The following C1orf232 variants were observed in gnomAD, a reference collection of about 807,000 sequenced individuals.
C1orf232 encodes the protein chromosome 1 open reading frame 230, also known as uncharacterized protein C1orf232.
C1orf232 carries 10 observed loss-of-function variants against 12.1 expected under a neutral mutation model. The ratio of observed to expected loss-of-function variants is 0.82; its 90% CI spans 0.51 to 1.40. The LOEUF (loss-of-function observed/expected upper bound fraction) is 1.40. Ranked by LOEUF, C1orf232 falls within the 40% of genes most tolerant of loss-of-function variation. The pLI, the probability that C1orf232 is intolerant of heterozygous loss-of-function variation, is 0.00. For synonymous variants in C1orf232, 36 were observed against 39.8 expected (o/e 0.90, Z 0.36); for missense variants, 88 against 98.4 (o/e 0.89, Z 0.45).
chr1:26,165,663 T>C (rs2088417650), intron 3 of C1orf232, 163 bp downstream of exon 3: 1 of 1,166,050 alleles, frequency 8.6e-7, no homozygotes, highest in Non-Finnish European at 1.1e-6. Context: ...CTCCCAGATA[T>C]GCTGATTTGG....
Position 26,167,170 on chromosome 1 carries a change from T to C in C1orf232, c.85-1052A>G, listed in dbSNP as rs1012608967. On this transcript the variant is annotated intron_variant, in intron 1 of 3. Coordinates refer to ENST00000634842, the MANE Select transcript of C1orf232 (RefSeq NM_001364669.2). ...TTTGTGTGATTGTGTGACTGCCACT[T>C]ATCACAGCCTCCAGACATAAGACTG... Among the ~76,000 whole-genome samples the C allele has an allele frequency of 1.2e-4, 18 of 152,326 alleles. No individual in the cohort carries two copies. In the East Asian group the frequency reaches 2.1e-3, roughly 18 times the overall value.
At chr1:26,166,660 C>T (rs958290433) in intron 1 of C1orf232, among the ~76,000 whole-genome samples, 10 of 152,136 alleles carry the variant, frequency 6.6e-5, no homozygotes, top group African/African-American at 2.4e-4. Flanking sequence ...ACAGACACAT[C>T]CATATACACC....
intron 3 of C1orf232, 115 bp downstream of exon 3, chr1:26,165,711 C>G: frequency 8.1e-7 from 1 of 1,230,918 alleles, no homozygotes; most frequent in South Asian, 4.2e-5. Flanking sequence ...CAGCCTGGGA[C>G]TGCCCCTCCC....
chr1:26,164,267 T>G lies in C1orf232; in HGVS notation c.455A>C (p.Glu152Ala). The G allele has an allele frequency of 2.5e-6, 1 of 398,336 alleles. No homozygotes were observed. The highest frequency in any genetic ancestry group is 4.4e-6 in the Non-Finnish European group (1 of 225,888). 24.7% of individuals were successfully genotyped at this position (398,336 alleles called of 1,614,324 possible). ...CTCGGCCTCCTGCGACTCGGGGCGC[T>G]CTGCGGCCTCCTCCGCGGCCTCGTC... is the stretch of plus-strand genomic sequence containing the variant. ...PADEAAEEAA[E>A]RPESQEAEPV... is the part of the protein sequence containing the mutation. Residue 152 changes from glutamate (E) to alanine (A), a missense_variant, in exon 4 of 4, where the codon GAG (glutamate) becomes GCG (alanine). Transcript: ENST00000634842. The surrounding 1 kb of genome is among the most constrained non-coding windows in gnomAD (Gnocchi z 4.2).
At chr1:26,165,419 C>T (rs892695968) in intron 3 of C1orf232, among the ~76,000 whole-genome samples, 1 of 152,126 alleles carries the variant, frequency 6.6e-6, no homozygotes, top group East Asian at 1.9e-4. Flanking sequence ...ATCGGAGTCT[C>T]TGAAGGAGGG....
chr1:26,167,920 G>A (rs1008744371), intron 1 of C1orf232, among the ~76,000 whole-genome samples: 2 of 152,126 alleles, frequency 1.3e-5, no homozygotes, highest in South Asian at 2.1e-4. Context: ...CACCGTGCCC[G>A]GCCCAGCCTG....
chr1:26,167,097 T>C (rs2124495263), intron 1 of C1orf232, among the ~76,000 whole-genome samples: 1 of 152,362 alleles, frequency 6.6e-6, no homozygotes, highest in East Asian at 1.9e-4. Flanking sequence ...CATTTAAGAA[T>C]TCAAACCATT....
At chr1:26,165,456 C>T (rs144070369) in intron 3 of C1orf232, among the ~76,000 whole-genome samples, 89 of 152,228 alleles carry the variant, frequency 5.8e-4, no homozygotes, top group Admixed American at 1.1e-3. Flanking sequence ...TGACACGCTT[C>T]CTTGGAGGGT....
chr1:26,164,300 T>C lies in C1orf232; in HGVS notation c.422A>G (p.Glu141Gly). ...CTCCTCCGCGGCCTCGTCCGCGGGT[T>C]CGGGGTCCGGCTCCGGAGTGGGCTC... ...GTEPTPEPDP[E>G]PADEAAEEAA... Residue 141 changes from glutamate (E) to glycine (G), a missense_variant, in exon 4 of 4, where the codon GAA (glutamate) becomes GGA (glycine). Glu to Gly is a moderately conservative substitution (Grantham distance 98, BLOSUM62 -2). Transcript: ENST00000634842. This position sits in a 1 kb window ranked among gnomAD's most constrained non-coding sequence, Gnocchi z 4.2. 1 of 397,856 alleles carries C rather than the reference T, an allele frequency of 2.5e-6. No individual in the cohort carries two copies. Among genetic ancestry groups the C allele is most frequent in the Non-Finnish European group, 4.4e-6 (1 of 225,570 alleles). 24.6% of individuals were successfully genotyped at this position (397,856 alleles called of 1,614,324 possible).
At position 26,165,835 on chromosome 1, in the gene C1orf232, C is replaced by A. The variant is rs1012244975; in HGVS notation, c.257G>T (p.Cys86Phe). Residue 86 changes from cysteine to phenylalanine, a missense_variant, in exon 3 of 4, where the codon TGC becomes TTC. Cys to Phe is a radical substitution (Grantham distance 205, BLOSUM62 -2). Transcript: ENST00000634842. ...ACACACACGCACATACTGGTCAGCG[C>A]AAGGCTCTGATGGCAGCAGCTTATC... The part of the protein sequence containing the change: ...DEDKLLPSEP[C>F]ADHPLAARPP... 8.1e-7 allele frequency: 1 copy of A among 1,231,810 alleles called. No homozygotes were observed. Among genetic ancestry groups the A allele is most frequent in the African/African-American group, 1.6e-5 (1 of 64,508 alleles). 76.3% of individuals were successfully genotyped at this position (1,231,810 alleles called of 1,614,324 possible). A position where few individuals can be genotyped will look rare whatever the true frequency, so the allele number is the denominator to read the frequency against.
chr1:26,168,308 C>A lies in C1orf232; in HGVS notation c.84+108G>T, dbSNP rs1569858467. On this transcript the variant is annotated intron_variant, in intron 1 of 3. Transcript: ENST00000634842. ...ACCATCCCTGAATGTGGCATCTGCA[C>A]AAATGTGGCCCCCCCACCTCCAAGC... 5 of 754,482 alleles carry A rather than the reference C, an allele frequency of 6.6e-6. No homozygotes were observed. The East Asian group carries it at 1.7e-4, about 26-fold the overall frequency. The allele number at this position is 754,482 out of a possible 1,614,324, so 46.7% of individuals were successfully genotyped here.
At position 26,168,609 on chromosome 1, in the gene C1orf232, A is replaced by G. The variant is rs932122703; in HGVS notation, c.-110T>C. On this transcript the variant is annotated 5_prime_UTR_variant, in exon 1 of 4. Transcript: ENST00000634842. Reference sequence around the variant, plus strand: ...GTGAGGCCAAGAGCCTGTCCGAGGGATCCAGTGACTTCATTAAAGATGCAC... The same window carrying G: ...GTGAGGCCAAGAGCCTGTCCGAGGGGTCCAGTGACTTCATTAAAGATGCAC... 13 of 641,882 alleles carry G rather than the reference A, an allele frequency of 2.0e-5. No homozygotes were observed. Among genetic ancestry groups the G allele is most frequent in the Admixed American group, 4.4e-5 (1 of 22,902 alleles). 39.8% of individuals were successfully genotyped at this position (641,882 alleles called of 1,614,324 possible).
At chr1:26,165,162 A>G (rs965932903) in intron 3 of C1orf232, among the ~76,000 whole-genome samples, 2 of 151,890 alleles carry the variant, frequency 1.3e-5, no homozygotes, top group African/African-American at 4.8e-5. Context: ...CTGATGGGTC[A>G]TGGGGACCCT....
rs1025344724 is a variant in C1orf232 at position 26,165,839 on chromosome 1, G to C, written c.253C>G (p.Pro85Ala). Residue 85 changes from proline to alanine, a missense_variant, in exon 3 of 4, where the codon CCT becomes GCT. Physicochemically the swap from Pro to Ala is conservative, Grantham distance 27. Transcript: ENST00000634842. ...ACACGCACATACTGGTCAGCGCAAG[G>C]CTCTGATGGCAGCAGCTTATCTTCA... ...EDEDKLLPSE[P>A]CADHPLAARP... 2 of 1,231,740 alleles carry C rather than the reference G, an allele frequency of 1.6e-6. No homozygotes were observed. The highest frequency in any genetic ancestry group is 4.1e-5 in the South Asian group (1 of 24,310). 76.3% of individuals were successfully genotyped at this position (1,231,740 alleles called of 1,614,324 possible).
chr1:26,165,030 G>T (rs867933922), intron 3 of C1orf232, among the ~76,000 whole-genome samples: 1 of 151,694 alleles, frequency 6.6e-6, no homozygotes, highest in Non-Finnish European at 1.5e-5. Flanking sequence ...GAAGATGTTG[G>T]GGGGAAGGGC....
chr1:26,166,540 C>G (rs1050258274), intron 1 of C1orf232, among the ~76,000 whole-genome samples: 4 of 152,136 alleles, frequency 2.6e-5, no homozygotes, highest in Non-Finnish European at 5.9e-5. Context: ...TGGTCTCGAA[C>G]TCCTGGCCTC....
Position 26,166,109 on chromosome 1 carries a change from G to T in C1orf232, c.94C>A (p.Pro32Thr), listed in dbSNP as rs557412319. Residue 32 changes from proline (P) to threonine (T), a missense_variant, in exon 2 of 4, where the codon CCA becomes ACA. Physicochemically the swap from Pro to Thr is conservative, Grantham distance 38. Transcript: ENST00000634842. Reference protein sequence around the residue: ...EEDLAEERENPALVGSETAEP... With the variant: ...EEDLAEERENTALVGSETAEP... ...GCTGTCTCAGACCCCACTAATGCTG[G>T]GTTCTCCCTCTGGGACACAAGACCC... The T allele has an allele frequency of 1.5e-5, 18 of 1,231,622 alleles. No homozygotes were observed. The highest frequency in any genetic ancestry group is 3.1e-5 in the African/African-American group (2 of 64,470). The allele number at this position is 1,231,622 out of a possible 1,614,324, so 76.3% of individuals were successfully genotyped here. A position where few individuals can be genotyped will look rare whatever the true frequency, so the allele number is the denominator to read the frequency against.
rs777246166 is a variant in C1orf232 at position 26,166,077 on chromosome 1, C to G, written c.126G>C (p.Pro42=). The stretch of plus-strand genomic sequence containing the variant: ...ACATGGGATTGAAGGTCTCCTCGGT[C>G]GGTTCTGCTGTCTCAGACCCCACTA... ...PALVGSETAE[P]TEETFNPMSQ... The change falls in exon 2 of 4, where the codon CCG becomes CCC. Residue 42 remains proline, a synonymous_variant. Coordinates refer to ENST00000634842, the MANE Select transcript of C1orf232 (RefSeq NM_001364669.2). The G allele has an allele frequency of 8.1e-7, 1 of 1,231,538 alleles. No individual in the cohort carries two copies. 76.3% of individuals were successfully genotyped at this position (1,231,538 alleles called of 1,614,324 possible).
At chr1:26,168,047 C>G (rs901909743) in intron 1 of C1orf232, among the ~76,000 whole-genome samples, 28 of 152,192 alleles carry the variant, frequency 1.8e-4, no homozygotes, top group Admixed American at 1.8e-3. Context: ...GCGCCACTCC[C>G]CCTACCTCTA....
Sources: allele counts gnomAD v4.1 joint callset (sites outside exome capture counted in the v4.1 genomes callset), GRCh38; gene constraint gnomAD v4.1.1; non-coding constraint Gnocchi (gnomAD v3.1); transcripts MANE v1.5; gene names NCBI Gene and HGNC (gene_info 2026-07-23, HGNC 2026-07-21).